The following NAA11 variants were observed in gnomAD, a reference collection of about 807,000 sequenced individuals.
The protein encoded by NAA11 is N-alpha-acetyltransferase 11, NatA catalytic subunit.
Under a neutral mutation model 16.1 loss-of-function variants are expected in NAA11, and 15 were observed. That is an observed-to-expected ratio of 0.93 (90% CI 0.62 to 1.44). The LOEUF (loss-of-function observed/expected upper bound fraction) is 1.44, where lower values mean the gene tolerates loss of function less well. NAA11 is among the 40% of genes most tolerant of loss of function. The pLI is 0.00. For synonymous variants in NAA11, 122 were observed against 112.4 expected (o/e 1.09, Z -0.54); for missense variants, 298 against 291.3 (o/e 1.02, Z -0.17).
chr4:79,268,355 A>G (rs991298355), intron 2 of NAA11, among the ~76,000 whole-genome samples: 3 of 152,166 alleles, frequency 2.0e-5, no homozygotes, highest in African/African-American at 4.8e-5. Context: ...TTTAAAGATC[A>G]CTTTAGTATG....
At chr4:79,278,919 A>G (rs928699434) in intron 2 of NAA11, among the ~76,000 whole-genome samples, 1 of 152,050 alleles carries the variant, frequency 6.6e-6, no homozygotes, top group African/African-American at 2.4e-5. Context: ...AGATGTCAGC[A>G]TTTGGTGTGG....
At chr4:79,181,094 G>T in the NAA11 span, among the ~76,000 whole-genome samples, 3,482 of 152,144 alleles carry the variant, frequency 0.023, 96 homozygotes, top group African/African-American at 0.063. Context: ...GTGGAGGGAG[G>T]GGGAGGGATA....
chr4:79,180,386 C>T, the NAA11 span, among the ~76,000 whole-genome samples: 1 of 151,786 alleles, frequency 6.6e-6, no homozygotes, highest in South Asian at 2.1e-4. Flanking sequence ...ACCAGAGTCT[C>T]GAATAAAAAC....
downstream of NAA11, among the ~76,000 whole-genome samples, chr4:79,225,481 T>C (rs1213553142): frequency 6.6e-6 from 1 of 152,056 alleles, no homozygotes; most frequent in South Asian, 2.1e-4. Flanking sequence ...TTTAATATTC[T>C]TGGCAAGAGA....
the NAA11 span, among the ~76,000 whole-genome samples, chr4:79,198,289 A>G: frequency 2.2e-4 from 34 of 152,044 alleles, no homozygotes; most frequent in Admixed American, 4.6e-4. Flanking sequence ...CTTCTTATGT[A>G]TAACAGGATG....
chr4:79,222,000 G>A (rs1446460451), downstream of NAA11, among the ~76,000 whole-genome samples: 1 of 142,848 alleles, frequency 7.0e-6, no homozygotes. Flanking sequence ...GAATCCATCT[G>A]GTCCTGGACT....
At chr4:79,312,420 G>A (rs191319517), downstream of NAA11, among the ~76,000 whole-genome samples, 1 of 152,208 alleles carries the variant, frequency 6.6e-6, no homozygotes, top group East Asian at 1.9e-4. Flanking sequence ...GGAGGCCAAA[G>A]CGGGTAGATC....
chr4:79,189,337 C>A, the NAA11 span, among the ~76,000 whole-genome samples: 2 of 151,692 alleles, frequency 1.3e-5, no homozygotes, highest in Admixed American at 1.3e-4. Context: ...TTGGAAAGAA[C>A]AATGTTGGGG....
downstream of NAA11, among the ~76,000 whole-genome samples, chr4:79,221,763 T>C (rs1355390553): frequency 7.5e-6 from 1 of 133,142 alleles, no homozygotes; most frequent in Non-Finnish European, 1.7e-5. Flanking sequence ...GATGTGCTGC[T>C]GGATTCGTTT....
At chr4:79,233,867 A>G (rs1227060538) in intron 2 of NAA11, among the ~76,000 whole-genome samples, 2 of 152,058 alleles carry the variant, frequency 1.3e-5, no homozygotes, top group African/African-American at 4.8e-5. Context: ...ATGGTTAAGG[A>G]AGATGCACTC....
chr4:79,273,226 G>T (rs1300855127), intron 2 of NAA11, among the ~76,000 whole-genome samples: 1 of 151,914 alleles, frequency 6.6e-6, no homozygotes, highest in Non-Finnish European at 1.5e-5. Context: ...AATTGATGGT[G>T]GGCCCCTTGG....
At chr4:79,201,807 G>A in the NAA11 span, among the ~76,000 whole-genome samples, 1 of 151,550 alleles carries the variant, frequency 6.6e-6, no homozygotes, top group Admixed American at 6.6e-5. Context: ...AATAGCTATT[G>A]AGTTATTTAG....
At chr4:79,308,235 G>A (rs1200802663) in intron 1 of NAA11, 2 of 152,218 alleles carry the variant, frequency 1.3e-5, no homozygotes, top group Non-Finnish European at 2.9e-5. Flanking sequence ...GAGGTAGAAG[G>A]AAGATTGCAC....
At chr4:79,292,121 T>C (rs1723100759) in intron 2 of NAA11, among the ~76,000 whole-genome samples, 1 of 152,200 alleles carries the variant, frequency 6.6e-6, no homozygotes, top group Non-Finnish European at 1.5e-5. Context: ...AAACAGTTGA[T>C]GTTGTCAACC....
intron 2 of NAA11, among the ~76,000 whole-genome samples, chr4:79,234,300 T>C (rs1304736981): frequency 6.6e-6 from 1 of 152,150 alleles, no homozygotes; most frequent in Admixed American, 6.6e-5. Context: ...TTCAGTCTTG[T>C]AAGCAGCCAT....
At chr4:79,171,497 G>T in the NAA11 span, among the ~76,000 whole-genome samples, 29 of 152,092 alleles carry the variant, frequency 1.9e-4, no homozygotes, top group African/African-American at 5.8e-4. Flanking sequence ...TTCTGCTATA[G>T]CAGCATAAAA....
At chr4:79,179,306 C>T in the NAA11 span, among the ~76,000 whole-genome samples, 19 of 152,118 alleles carry the variant, frequency 1.2e-4, no homozygotes, top group African/African-American at 4.6e-4. Flanking sequence ...AATTTGACCT[C>T]GAGAAAGTTG....
chr4:79,215,644 T>C, the NAA11 span, among the ~76,000 whole-genome samples: 1 of 152,232 alleles, frequency 6.6e-6, no homozygotes, highest in Non-Finnish European at 1.5e-5. Flanking sequence ...GCATGTAACC[T>C]GTCATCTATG....
intron 1 of NAA11, among the ~76,000 whole-genome samples, chr4:79,318,524 T>C (rs184785656): frequency 5.6e-4 from 86 of 152,316 alleles, no homozygotes; most frequent in Middle Eastern, 3.4e-3. Context: ...GTAAATAAGA[T>C]TGAGGCTGAC....
Sources: gnomAD v4.1 joint callset for allele counts (sites outside exome capture counted in the v4.1 genomes callset) on GRCh38, gnomAD v4.1.1 for gene constraint, MANE v1.5 for transcripts, NCBI Gene and HGNC (gene_info 2026-07-23, HGNC 2026-07-21) for gene names.